SLC43A1: variants seen among roughly 807,000 people sequenced by gnomAD.
SLC43A1 encodes the protein solute carrier family 43 member 1.
A neutral mutation model predicts 59.5 loss-of-function variants in SLC43A1; 31 were observed. The observed-to-expected ratio is 0.52, with a 90% CI of 0.39 to 0.70. SLC43A1 has a LOEUF of 0.70. SLC43A1 is among the 30% of genes least tolerant of loss of function. SLC43A1 has a pLI of 0.00. For missense variants in SLC43A1, 598 were observed against 717.8 expected, an observed-to-expected ratio of 0.83 and a Z score of 1.91; for synonymous variants, 259 against 290.9, an observed-to-expected ratio of 0.89 and a Z score of 1.12.
intron 3 of SLC43A1, 23 bp from the exon 4 acceptor site, chr11:57,501,066 G>T (rs766619951): frequency 4.4e-6 from 7 of 1,606,448 alleles, no homozygotes; most frequent in Non-Finnish European, 6.0e-6. Context: ...AGGGAAGGGC[G>T]AGGGGTTGGC....
At chr11:57,491,492 GGT>G (rs1334124853) in intron 10 of SLC43A1, 97 bp downstream of exon 10, 2 of 1,584,260 alleles carry the variant, frequency 1.3e-6, no homozygotes, top group African/African-American at 2.7e-5. Flanking sequence ...CCCACAAAAG[GGT>G]TACCTGGGTG....
rs538684384 is a variant in SLC43A1 at position 57,494,057 on chromosome 11, C to A, written c.807G>T (p.Glu269Asp). The change falls in exon 8 of 15, where the codon GAG becomes GAT. Residue 269 changes from glutamate to aspartate, a missense_variant. Glu to Asp is a conservative substitution (Grantham distance 45, BLOSUM62 2). Transcript: ENST00000278426. ...QRLSQKAPSL[E>D]DGSDAFMSPQ... ...GTGACATGAAGGCATCCGAACCGTC[C>A]TCCAGGCTGGGGGCCTTCTGGCTGA... 1.2e-6 allele frequency: 2 copies of A among 1,611,542 alleles called. No individual in the cohort carries two copies. The highest frequency in any genetic ancestry group is 2.2e-5 in the South Asian group (2 of 90,654).
intron 7 of SLC43A1, 127 bp from the exon 8 acceptor site, chr11:57,494,298 C>T: frequency 1.2e-6 from 1 of 816,148 alleles, no homozygotes; most frequent in Non-Finnish European, 1.9e-6. Flanking sequence ...TGCTCACAAG[C>T]TCCTAATGCA....
Position 57,515,060 on chromosome 11 carries a change from G to A in SLC43A1, c.-14+384C>T. 1.0e-6 allele frequency: 1 copy of A among 985,424 alleles called. No homozygotes were observed. The highest frequency in any genetic ancestry group is 1.2e-6 in the Non-Finnish European group (1 of 829,990). 61.0% of individuals were successfully genotyped at this position (985,424 alleles called of 1,614,324 possible). Reference sequence around the variant, plus strand: ...GGATGAGACCGAGGAAAGCGGAGAGGAGAAGGGCAAGAAAGACCCAGAGAG... The same window carrying A: ...GGATGAGACCGAGGAAAGCGGAGAGAAGAAGGGCAAGAAAGACCCAGAGAG... On this transcript the variant is annotated intron_variant, in intron 1 of 14. Coordinates refer to ENST00000278426, the MANE Select transcript of SLC43A1 (RefSeq NM_003627.6). This position sits in a 1 kb window ranked among gnomAD's most constrained non-coding sequence, Gnocchi z 5.3.
At chr11:57,486,849 A>G (rs1943746271) in intron 14 of SLC43A1, among the ~76,000 whole-genome samples, 1 of 152,088 alleles carries the variant, frequency 6.6e-6, no homozygotes, top group South Asian at 2.1e-4. Flanking sequence ...TAAAATAACA[A>G]TAAATTAAAA....
chr11:57,500,196 G>A (rs893584925), intron 5 of SLC43A1, among the ~76,000 whole-genome samples: 4 of 152,252 alleles, frequency 2.6e-5, no homozygotes, highest in East Asian at 1.9e-4. Context: ...CCATGTGCAC[G>A]ACGAGGTGTC....
chr11:57,497,858 A>G lies in SLC43A1; in HGVS notation c.466-13T>C, dbSNP rs372034232. ...ACATGTTGGGCAGCTGAGGAGGGAA[A>G]GCAGCACCCATGAGGTGGGGACACC... On this transcript the variant is annotated splice_polypyrimidine_tract_variant and intron_variant, in intron 5 of 14. Coordinates refer to ENST00000278426, the MANE Select transcript of SLC43A1 (RefSeq NM_003627.6). 10 of 1,608,656 alleles carry G rather than the reference A, an allele frequency of 6.2e-6. No individual in the cohort carries two copies. The highest frequency in any genetic ancestry group is 8.5e-7 in the Non-Finnish European group (1 of 1,176,526).
At chr11:57,500,476 C>T (rs146372418) in intron 5 of SLC43A1, among the ~76,000 whole-genome samples, 58 of 152,318 alleles carry the variant, frequency 3.8e-4, no homozygotes, top group Middle Eastern at 3.4e-3. Flanking sequence ...GGGAGGATGA[C>T]TCGGTCAGTC....
intron 2 of SLC43A1, among the ~76,000 whole-genome samples, chr11:57,509,594 AAAGGAAGGAAGGAAGGAAGG>A (rs1218558916): frequency 4.6e-3 from 360 of 78,664 alleles, no homozygotes; most frequent in South Asian, 8.6e-3. Flanking sequence ...TCAGAAGGAC[AAAGGAAGGAAGGAAGGAAGG>A]AAGGAAGGAA....
chr11:57,487,313 C>G, intron 13 of SLC43A1, 95 bp from the exon 14 acceptor site: 1 of 1,483,224 alleles, frequency 6.7e-7, no homozygotes, highest in Non-Finnish European at 9.2e-7. Context: ...CCCCGCTGGC[C>G]AGGCAGGGTG....
At position 57,501,472 on chromosome 11, in the gene SLC43A1, GGGGCT is replaced by G; in HGVS notation, c.155-148_155-144del. On this transcript the variant is annotated intron_variant, in intron 2 of 14. Transcript: ENST00000278426. Reference sequence around the variant, plus strand: ...ACCCTAGAGTCACATCTCCTCTGATGGGGCTGCTCCAGAAATGGCAGCCATTAGTA... The same window carrying G: ...ACCCTAGAGTCACATCTCCTCTGATGGCTCCAGAAATGGCAGCCATTAGTA... The G allele has an allele frequency of 4.0e-6, 3 of 753,516 alleles. No homozygotes were observed. In the South Asian group the frequency reaches 5.1e-5, roughly 13 times the overall value. 46.7% of individuals were successfully genotyped at this position (753,516 alleles called of 1,614,324 possible). A position where few individuals can be genotyped will look rare whatever the true frequency, so the allele number is the denominator to read the frequency against.
chr11:57,512,041 T>C (rs1003853181), intron 2 of SLC43A1, among the ~76,000 whole-genome samples: 9 of 152,288 alleles, frequency 5.9e-5, no homozygotes, highest in African/African-American at 1.9e-4. Flanking sequence ...AATTATATAC[T>C]TGAAATGGGT....
Position 57,485,197 on chromosome 11 carries a change from G to A in SLC43A1, c.1579C>T (p.Pro527Ser), listed in dbSNP as rs984879497. Residue 527 changes from proline to serine, a missense_variant, in exon 15 of 15, where the codon CCT (proline) becomes TCT (serine). Pro to Ser is a moderately conservative substitution (Grantham distance 74). Transcript: ENST00000278426. The part of the protein sequence containing the change: ...LLFSLLGFLL[P>S]SYLFYYRARL... ...GCACGGTAATAGAAGAGGTAGGAAG[G>A]CAACAGGAATCCCAGGAGTGAGAAT... is the stretch of plus-strand genomic sequence containing the variant. 3.7e-6 allele frequency: 6 copies of A among 1,613,808 alleles called. No individual in the cohort carries two copies. The highest frequency in any genetic ancestry group is 1.7e-5 in the Admixed American group (1 of 59,946).
intron 13 of SLC43A1, among the ~76,000 whole-genome samples, chr11:57,488,416 T>C (rs1222607348): frequency 6.6e-6 from 1 of 152,124 alleles, no homozygotes; most frequent in Admixed American, 6.5e-5. Context: ...GGAGTGATGG[T>C]CAAGGATCCT....
rs1179658911 is a variant in SLC43A1 at position 57,491,735 on chromosome 11, C to G, written c.999G>C (p.Val333=). ...AAVNKMLEYL[V]TGGQEHETNE... The stretch of plus-strand genomic sequence containing the variant: ...CCTCACCATGCTCCTGGCCACCAGT[C>G]ACAAGGTACTCCAGCATCTTGTTCA... Residue 333 remains valine (V), a synonymous_variant, in exon 9 of 15, where the codon GTG becomes GTC. Coordinates refer to ENST00000278426, the MANE Select transcript of SLC43A1 (RefSeq NM_003627.6). 1 of 1,614,246 alleles carries G rather than the reference C, an allele frequency of 6.2e-7. No homozygotes were observed. Among genetic ancestry groups the G allele is most frequent in the Admixed American group, 1.7e-5 (1 of 60,032 alleles).
intron 2 of SLC43A1, 115 bp downstream of exon 2, chr11:57,513,843 G>T: frequency 1.3e-6 from 1 of 792,664 alleles, no homozygotes; most frequent in Non-Finnish European, 2.1e-6. Context: ...GAGAAGTGAG[G>T]CTGTCCAACT....
In SLC43A1 at chr11:57,494,163, ATCT is replaced by A. The variant is rs773750362; in HGVS notation, c.698_700del (p.Lys233del). The A allele has an allele frequency of 2.5e-6, 4 of 1,609,336 alleles. No homozygotes were observed. The highest frequency in any genetic ancestry group is 3.4e-5 in the Admixed American group (2 of 59,478). On this transcript the variant is annotated inframe_deletion, in exon 8 of 15. Transcript: ENST00000278426. ...GTCCAGGGCCAGCCCACTCAGCTTG[ATCT>A]TCTTCCTGCAGGCAGCCAGGCCAGA...
intron 8 of SLC43A1, among the ~76,000 whole-genome samples, chr11:57,492,518 T>TTGTG: frequency 2.5e-5 from 3 of 119,162 alleles, no homozygotes; most frequent in African/African-American, 9.7e-5. Flanking sequence ...TATAATAATA[T>TTGTG]AATATATATA....
chr11:57,487,858 G>A (rs1383590727), intron 13 of SLC43A1, among the ~76,000 whole-genome samples: 1 of 152,116 alleles, frequency 6.6e-6, no homozygotes. Context: ...GAATGTTCTA[G>A]AAACAGGGAC....
Sources: gnomAD v4.1 joint callset for allele counts (sites outside exome capture counted in the v4.1 genomes callset) on GRCh38, gnomAD v4.1.1 for gene constraint, Gnocchi (gnomAD v3.1) non-coding constraint, MANE v1.5 for transcripts, NCBI Gene and HGNC (gene_info 2026-07-23, HGNC 2026-07-21) for gene names.